Variants in TMEM117 observed in about 807,000 individuals in gnomAD.
TMEM117 encodes transmembrane protein 117.
Under a neutral mutation model 52.4 loss-of-function variants are expected in TMEM117, and 27 were observed. That is an observed-to-expected ratio of 0.51 (90% confidence interval 0.38 to 0.71). The LOEUF (loss-of-function observed/expected upper bound fraction) is 0.71, where lower values mean the gene tolerates loss of function less well. Ranked by LOEUF, TMEM117 falls within the 30% of genes least tolerant of loss-of-function variation. The pLI is 0.00. For missense variants in TMEM117, 556 were observed against 630.5 expected, an observed-to-expected ratio of 0.88 and a Z score of 1.26; for synonymous variants, 215 against 206.3, an observed-to-expected ratio of 1.04 and a Z score of -0.36.
At chr12:44,011,551 TC>T (rs1946290230) in intron 3 of TMEM117, among the ~76,000 whole-genome samples, 2 of 152,084 alleles carry the variant, frequency 1.3e-5, no homozygotes, top group African/African-American at 2.4e-5. Context: ...TTGTGAGGCC[TC>T]CCCAGCCATG....
intron 6 of TMEM117, among the ~76,000 whole-genome samples, chr12:44,371,279 C>T (rs554606922): frequency 6.6e-5 from 10 of 151,974 alleles, no homozygotes; most frequent in South Asian, 2.1e-4. Flanking sequence ...TTATGAAATA[C>T]GGGGCATAGA....
the TMEM117 span, among the ~76,000 whole-genome samples, chr12:43,807,831 C>T: frequency 6.6e-6 from 1 of 152,110 alleles, no homozygotes; most frequent in Non-Finnish European, 1.5e-5. Context: ...CCTTGCTCTG[C>T]TCTAGCCACA....
intron 5 of TMEM117, among the ~76,000 whole-genome samples, chr12:44,241,457 C>T (rs1950060783): frequency 6.6e-6 from 1 of 151,654 alleles, no homozygotes; most frequent in South Asian, 2.1e-4. Flanking sequence ...TGATAATTTT[C>T]TTATTATTTG....
intron 3 of TMEM117, chr12:44,083,723 A>G (rs1405247847): frequency 6.6e-6 from 1 of 151,990 alleles, no homozygotes; most frequent in Non-Finnish European, 1.5e-5. Context: ...AATTCATGCT[A>G]ATCTCTTGGG....
intron 5 of TMEM117, among the ~76,000 whole-genome samples, chr12:44,252,933 T>G (rs1418493861): frequency 3.3e-5 from 5 of 152,130 alleles, no homozygotes; most frequent in Non-Finnish European, 7.4e-5. Context: ...TTGTGGTTAT[T>G]AATTATTTAG....
intron 6 of TMEM117, among the ~76,000 whole-genome samples, chr12:44,328,496 T>C (rs768226362): frequency 5.3e-5 from 8 of 152,168 alleles, no homozygotes; most frequent in Non-Finnish European, 1.0e-4. Flanking sequence ...TGCTAGCTTT[T>C]ATAGTTCCTT....
the TMEM117 span, among the ~76,000 whole-genome samples, chr12:43,813,231 G>GCTTTTTTTTTTTTTTTTTTTTTTTTTT: frequency 8.0e-5 from 5 of 62,618 alleles, no homozygotes; most frequent in African/African-American, 2.9e-4. Context: ...GTTTTCTCTT[G>GCTTTTTTTTTTTTTTTTTTTTTTTTTT]TTTTTTTTTT....
At chr12:43,797,760 G>C in the TMEM117 span, 3 of 1,613,332 alleles carry the variant, frequency 1.9e-6, no homozygotes, top group Non-Finnish European at 2.5e-6. Context: ...AGCCTGAAAG[G>C]CTTCTCGAGA....
chr12:44,104,584 T>C (rs1468662390), intron 3 of TMEM117, among the ~76,000 whole-genome samples: 1 of 152,010 alleles, frequency 6.6e-6, no homozygotes, highest in African/African-American at 2.4e-5. Flanking sequence ...ACTTTTCCTT[T>C]ATGTGGCTCT....
intron 6 of TMEM117, among the ~76,000 whole-genome samples, chr12:44,337,943 C>A (rs928618371): frequency 3.9e-5 from 6 of 152,006 alleles, no homozygotes; most frequent in Middle Eastern, 3.2e-3. Context: ...GAACCACTGA[C>A]CTACATGGGG....
chr12:44,332,524 G>T (rs991777709), intron 6 of TMEM117, among the ~76,000 whole-genome samples: 6 of 151,970 alleles, frequency 3.9e-5, no homozygotes, highest in African/African-American at 1.4e-4. Context: ...TAAGTTAAAA[G>T]TTATAATCCT....
intron 3 of TMEM117, among the ~76,000 whole-genome samples, chr12:43,987,274 C>T (rs1053650710): frequency 3.9e-5 from 6 of 152,186 alleles, no homozygotes; most frequent in African/African-American, 1.4e-4. Flanking sequence ...TGATCTCAGA[C>T]TTCTAGTCTC....
At chr12:44,207,792 C>T (rs1013478973) in intron 4 of TMEM117, among the ~76,000 whole-genome samples, 1 of 147,206 alleles carries the variant, frequency 6.8e-6, no homozygotes, top group Non-Finnish European at 1.5e-5. Flanking sequence ...GGTTAATTAC[C>T]TTGCCCTAAA....
chr12:44,084,102 A>T (rs1947528331), intron 3 of TMEM117, among the ~76,000 whole-genome samples: 1 of 152,204 alleles, frequency 6.6e-6, no homozygotes, highest in Non-Finnish European at 1.5e-5. Flanking sequence ...GGTAGATGAC[A>T]GACTAAATCA....
the TMEM117 span, among the ~76,000 whole-genome samples, chr12:43,811,987 A>C: frequency 6.6e-6 from 1 of 152,250 alleles, no homozygotes; most frequent in East Asian, 1.9e-4. Flanking sequence ...AAAACATTGT[A>C]AGAGATACAT....
intron 3 of TMEM117, among the ~76,000 whole-genome samples, chr12:44,025,611 G>T (rs1946521048): frequency 6.6e-6 from 1 of 152,080 alleles, no homozygotes; most frequent in African/African-American, 2.4e-5. Context: ...ATGAAATGCT[G>T]GGACAATTTG....
At chr12:43,797,879 C>T in the TMEM117 span, 1 of 1,575,050 alleles carries the variant, frequency 6.3e-7, no homozygotes, top group South Asian at 1.2e-5. Context: ...TTAGCAGTAT[C>T]CTATGGCAAA....
rs191936058 is a variant in TMEM117 at position 44,114,174 on chromosome 12, C to T, written c.411-29351C>T. ...TGCAGTAATCACCCGTCTTCTGCGT[C>T]GCTCACGCTGGGAGCTGTAGACCGG... is the stretch of plus-strand genomic sequence containing the variant. On this transcript the variant is annotated intron_variant, in intron 3 of 7. Coordinates refer to ENST00000266534, the MANE Select transcript of TMEM117 (RefSeq NM_032256.3). 3.5e-3 allele frequency among the ~76,000 whole-genome samples: 527 copies of T among 152,070 alleles called. 3 individuals are homozygous for T. The highest frequency in any genetic ancestry group is 0.014 in the East Asian group (70 of 5,144).
At chr12:44,237,039 A>G (rs1273620350) in intron 5 of TMEM117, among the ~76,000 whole-genome samples, 1 of 152,084 alleles carries the variant, frequency 6.6e-6, no homozygotes, top group Non-Finnish European at 1.5e-5. Flanking sequence ...TTCCAAGCAG[A>G]ACTAGGCTTC....
Sources: gnomAD v4.1 joint callset for allele counts (sites outside exome capture counted in the v4.1 genomes callset) on GRCh38, gnomAD v4.1.1 for gene constraint, MANE v1.5 for transcripts, NCBI Gene and HGNC (gene_info 2026-07-23, HGNC 2026-07-21) for gene names.